PCDHA2: variants seen among roughly 807,000 people sequenced by gnomAD.
PCDHA2 encodes the protein protocadherin alpha-2.
A neutral mutation model predicts 66.0 loss-of-function variants in PCDHA2; 58 were observed. The ratio of observed to expected loss-of-function variants is 0.88; its 90% confidence interval spans 0.71 to 1.09. PCDHA2 has a LOEUF of 1.09. Ranked by LOEUF, PCDHA2 falls within the 50% of genes least tolerant of loss-of-function variation. The pLI is 0.00. For synonymous variants in PCDHA2, 634 were observed against 554.0 expected (o/e 1.14, Z -2.03); for missense variants, 1,267 against 1,242.3 (o/e 1.02, Z -0.30).
At chr5:140,966,172 G>A in intron 1 of PCDHA2, 1 of 184,672 alleles carries the variant, frequency 5.4e-6, no homozygotes, top group East Asian at 1.4e-4. Context: ...TTTTCCTGGG[G>A]AGCTGATAGC....
chr5:140,918,021 A>G (rs2078482403), intron 1 of PCDHA2, among the ~76,000 whole-genome samples: 2 of 152,190 alleles, frequency 1.3e-5, no homozygotes, highest in South Asian at 2.1e-4. Flanking sequence ...CTTCCTACCC[A>G]TGAGCGTGGA....
intron 1 of PCDHA2, chr5:140,834,291 G>T: frequency 8.3e-7 from 1 of 1,201,540 alleles, no homozygotes; most frequent in Middle Eastern, 2.2e-4. Flanking sequence ...CACAACAATG[G>T]CCACACATCG....
At chr5:140,944,406 C>A (rs1003379783) in intron 1 of PCDHA2, among the ~76,000 whole-genome samples, 1 of 152,084 alleles carries the variant, frequency 6.6e-6, no homozygotes, top group Non-Finnish European at 1.5e-5. Context: ...AGGCTGGTCT[C>A]GAACTCCTGA....
chr5:140,883,508 G>C (rs939760233), intron 1 of PCDHA2: 19 of 1,614,202 alleles, frequency 1.2e-5, no homozygotes, highest in Non-Finnish European at 1.5e-5. Flanking sequence ...CAGCGCCCTG[G>C]ACCGCGAGAG....
chr5:140,968,209 C>G (rs781795931), intron 1 of PCDHA2: 5 of 1,614,002 alleles, frequency 3.1e-6, no homozygotes, highest in Non-Finnish European at 4.2e-6. Context: ...TACAGGAGAA[C>G]AATTTGCCAG....
intron 1 of PCDHA2, among the ~76,000 whole-genome samples, chr5:140,826,250 A>G (rs992986952): frequency 6.6e-6 from 1 of 152,180 alleles, no homozygotes; most frequent in African/African-American, 2.4e-5. Context: ...ATATCTCTTT[A>G]TATATCAAGT....
intron 1 of PCDHA2, chr5:140,866,748 C>CT (rs2049539198): frequency 6.6e-6 from 1 of 152,148 alleles, no homozygotes; most frequent in Non-Finnish European, 1.5e-5. Context: ...ACTTATATGA[C>CT]TAACAGGACA....
chr5:140,843,565 G>T, intron 1 of PCDHA2: 1 of 1,595,918 alleles, frequency 6.3e-7, no homozygotes, highest in South Asian at 1.1e-5. Flanking sequence ...TGGGGAGCTG[G>T]TCATACTCGC....
intron 1 of PCDHA2, among the ~76,000 whole-genome samples, chr5:140,923,382 G>A (rs1554201427): frequency 6.6e-6 from 1 of 152,114 alleles, no homozygotes; most frequent in Non-Finnish European, 1.5e-5. Context: ...TTAAAAATTA[G>A]TTGGGCATGG....
intron 1 of PCDHA2, chr5:140,869,010 T>A (rs919333995): frequency 4.6e-6 from 7 of 1,523,886 alleles, no homozygotes; most frequent in Middle Eastern, 1.8e-4. Context: ...CCTTTGAAAC[T>A]TCTTAAGAAT....
intron 1 of PCDHA2, chr5:140,854,252 T>C (rs1188551859): frequency 1.8e-5 from 11 of 627,946 alleles, no homozygotes; most frequent in African/African-American, 2.0e-5. Flanking sequence ...TCACTTGGTA[T>C]AAAATGTACA....
At chr5:140,877,559 T>C in intron 1 of PCDHA2, 1 of 1,613,754 alleles carries the variant, frequency 6.2e-7, no homozygotes, top group South Asian at 1.1e-5. Context: ...CTGGTGGATA[T>C]TAACGTGTAC....
intron 1 of PCDHA2, chr5:140,864,391 A>G (rs1554158881): frequency 6.6e-6 from 1 of 152,234 alleles, no homozygotes; most frequent in African/African-American, 2.4e-5. Context: ...TCTCTCACAA[A>G]TGGTGATGAG....
intron 3 of PCDHA2, among the ~76,000 whole-genome samples, chr5:140,985,608 G>T (rs76669319): frequency 6.6e-6 from 1 of 152,052 alleles, no homozygotes; most frequent in Non-Finnish European, 1.5e-5. Context: ...AGCCCTTTCC[G>T]TGAACCAGCT....
At chr5:140,863,216 C>T (rs781920741) in intron 1 of PCDHA2, 10 of 1,084,230 alleles carry the variant, frequency 9.2e-6, no homozygotes, top group African/African-American at 3.2e-5. Flanking sequence ...AGCAGCCAAG[C>T]GAGGAAGGTC....
chr5:140,921,124 G>A (rs1017756296), intron 1 of PCDHA2, among the ~76,000 whole-genome samples: 1 of 146,978 alleles, frequency 6.8e-6, no homozygotes, highest in Non-Finnish European at 1.5e-5. Flanking sequence ...AGGACTACAG[G>A]TGCACACCAC....
intron 1 of PCDHA2, among the ~76,000 whole-genome samples, chr5:140,890,874 C>T (rs1337922727): frequency 6.6e-6 from 1 of 152,082 alleles, no homozygotes; most frequent in Admixed American, 6.6e-5. Flanking sequence ...CCCCTCTGAC[C>T]TTTCATCAGG....
At chr5:140,853,237 A>G (rs2042681652) in intron 1 of PCDHA2, 3 of 980,666 alleles carry the variant, frequency 3.1e-6, no homozygotes, top group African/African-American at 1.8e-5. Flanking sequence ...TTAGTCCTTC[A>G]TATTAATCTC....
rs201937079 is a variant in PCDHA2 at position 140,870,716 on chromosome 5, A to G, written c.2388+73364A>G. 15 of 1,613,024 alleles carry G rather than the reference A, an allele frequency of 9.3e-6. No individual in the cohort carries two copies. The highest frequency in any genetic ancestry group is 1.2e-5 in the Non-Finnish European group (14 of 1,179,860). On this transcript the variant is annotated intron_variant, in intron 1 of 3. Coordinates refer to ENST00000526136, the MANE Select transcript of PCDHA2 (RefSeq NM_018905.3). ...CTACAGTTCCAGGTGAGCGCGCGCG[A>G]TGCGGGCGTGCCGCCTCTGAGCAGC... is the stretch of plus-strand genomic sequence containing the variant.
Sources: gnomAD v4.1 joint callset for allele counts (sites outside exome capture counted in the v4.1 genomes callset) on GRCh38, gnomAD v4.1.1 for gene constraint, MANE v1.5 for transcripts, NCBI Gene and HGNC (gene_info 2026-07-23, HGNC 2026-07-21) for gene names.